The following CTNNA3 variants were observed in gnomAD, a reference collection of about 807,000 sequenced individuals.
CTNNA3 encodes catenin alpha 3, also known as catenin alpha-3.
Under a neutral mutation model 95.7 loss-of-function variants are expected in CTNNA3, and 76 were observed. The observed-to-expected ratio is 0.79, with a 90% CI of 0.66 to 0.96. The LOEUF is 0.96. CTNNA3 is among the 40% of genes least tolerant of loss of function. The probability of loss-of-function intolerance (pLI) is 0.00; values close to 1 mark genes in which losing one functional copy is unlikely to be tolerated. For missense variants in CTNNA3, 1,191 were observed against 1,089.8 expected, an observed-to-expected ratio of 1.09 and a Z score of -1.31; for synonymous variants, 431 against 374.4, an observed-to-expected ratio of 1.15 and a Z score of -1.74.
intron 9 of CTNNA3, among the ~76,000 whole-genome samples, chr10:66,762,480 T>C (rs1750194378): frequency 6.6e-6 from 1 of 151,970 alleles, no homozygotes; most frequent in African/African-American, 2.4e-5. Context: ...TTACTGGCAC[T>C]ATCCAGGGTT....
At chr10:66,115,034 G>GA (rs201372863) in intron 13 of CTNNA3, among the ~76,000 whole-genome samples, 4 of 151,604 alleles carry the variant, frequency 2.6e-5, no homozygotes, top group East Asian at 1.9e-4. Context: ...TTATCATAAG[G>GA]AAAAAAAACA....
chr10:67,752,103 C>T (rs1350288240), intron 1 of CTNNA3, among the ~76,000 whole-genome samples: 2 of 152,130 alleles, frequency 1.3e-5, no homozygotes, highest in Non-Finnish European at 2.9e-5. Context: ...AATCCAGCAG[C>T]ACATCAAAAA....
intron 1 of CTNNA3, among the ~76,000 whole-genome samples, chr10:67,741,346 C>CAAAAA (rs542236311): frequency 5.4e-5 from 7 of 128,520 alleles, no homozygotes; most frequent in East Asian, 2.2e-4. Flanking sequence ...AAAAAAAGAA[C>CAAAAA]AAAAAAAAAA....
chr10:67,343,533 C>T (rs1479133631), intron 5 of CTNNA3, among the ~76,000 whole-genome samples: 5 of 151,838 alleles, frequency 3.3e-5, no homozygotes, highest in Admixed American at 2.0e-4. Context: ...AATGGGATTC[C>T]ATTTTAATAT....
chr10:67,168,010 A>G (rs1861856214), intron 7 of CTNNA3, among the ~76,000 whole-genome samples: 1 of 152,086 alleles, frequency 6.6e-6, no homozygotes, highest in African/African-American at 2.4e-5. Context: ...TCTGGCTCAC[A>G]CCTGCAATCC....
At position 67,379,878 on chromosome 10, in the gene CTNNA3, G is replaced by A. The variant is rs536276293; in HGVS notation, c.579+141964C>T. On this transcript the variant is annotated intron_variant, in intron 5 of 17. Coordinates refer to ENST00000433211, the MANE Select transcript of CTNNA3 (RefSeq NM_013266.4). ...CTACTAAAAATACAAAAAATTAGCC[G>A]GGCGTAGTGGCGGGCGCCTGTAGTC... Among the ~76,000 whole-genome samples, 420 of 151,812 alleles carry A rather than the reference G, an allele frequency of 2.8e-3. 4 individuals carry two copies. The highest frequency in any genetic ancestry group is 9.5e-3 in the African/African-American group (395 of 41,388).
At chr10:66,137,263 A>G (rs2083402927) in intron 13 of CTNNA3, among the ~76,000 whole-genome samples, 1 of 152,172 alleles carries the variant, frequency 6.6e-6, no homozygotes, top group Non-Finnish European at 1.5e-5. Flanking sequence ...GCTTCATAGC[A>G]CTTCTACAAA....
At position 67,539,668 on chromosome 10, in the gene CTNNA3, A is replaced by G; in HGVS notation, c.294T>C (p.Ser98=). The change falls in exon 4 of 18, where the codon AGT becomes AGC. Residue 98 remains serine, a splice_region_variant and synonymous_variant. Transcript: ENST00000433211. Reference sequence around the variant, plus strand: ...TCTCAGCTGATACTTTCAGAGCTTCACCTGAAAAATACAACCCCATATAAG... The same window carrying G: ...TCTCAGCTGATACTTTCAGAGCTTCGCCTGAAAAATACAACCCCATATAAG... The part of the protein sequence containing the change: ...TASLEEVRKE[S]EALKVSAERF... The G allele has an allele frequency of 6.2e-7, 1 of 1,613,190 alleles. No individual in the cohort carries two copies. Among genetic ancestry groups the G allele is most frequent in the Non-Finnish European group, 8.5e-7 (1 of 1,179,402 alleles).
At chr10:66,621,934 A>G (rs1027693924) in intron 9 of CTNNA3, 150 bp from the exon 10 acceptor site, 1 of 522,946 alleles carries the variant, frequency 1.9e-6, no homozygotes, top group African/African-American at 2.0e-5. Flanking sequence ...ATTTTATGAA[A>G]GAATTCAGAG....
At chr10:66,016,093 G>A (rs2133407379) in intron 15 of CTNNA3, among the ~76,000 whole-genome samples, 1 of 152,278 alleles carries the variant, frequency 6.6e-6, no homozygotes, top group South Asian at 2.1e-4. Context: ...TAGTATCAGA[G>A]CTAGAGTGGA....
At chr10:66,688,360 C>G (rs1278725963) in intron 9 of CTNNA3, among the ~76,000 whole-genome samples, 1 of 152,140 alleles carries the variant, frequency 6.6e-6, no homozygotes, top group East Asian at 1.9e-4. Context: ...GTCACACCAG[C>G]CTTCTTGCAG....
chr10:67,691,798 C>T (rs1484323906), intron 1 of CTNNA3, among the ~76,000 whole-genome samples: 3 of 145,820 alleles, frequency 2.1e-5, no homozygotes, highest in Non-Finnish European at 3.0e-5. Flanking sequence ...CCGCCCCGTC[C>T]AGGAGGTGAG....
intron 9 of CTNNA3, among the ~76,000 whole-genome samples, chr10:66,664,889 T>TAAAAAAAAAAAAAAAAAAAAAAAAA (rs56801434): frequency 7.4e-6 from 1 of 134,522 alleles, no homozygotes; most frequent in African/African-American, 2.7e-5. Flanking sequence ...CTGAAAAAAT[T>TAAAAAAAAAAAAAAAAAAAAAAAAA]AAAAAAAAAA....
chr10:66,041,275 G>A (rs1303089574), intron 15 of CTNNA3, among the ~76,000 whole-genome samples: 10 of 152,214 alleles, frequency 6.6e-5, no homozygotes, highest in African/African-American at 2.4e-4. Flanking sequence ...CTGAGGGAAT[G>A]TCATAGATTG....
At chr10:66,131,496 A>G (rs747323200) in intron 13 of CTNNA3, among the ~76,000 whole-genome samples, 2 of 152,306 alleles carry the variant, frequency 1.3e-5, no homozygotes, top group Non-Finnish European at 2.9e-5. Context: ...TGTAGACTCA[A>G]TGTTATTTCT....
intron 11 of CTNNA3, among the ~76,000 whole-genome samples, chr10:66,410,314 C>CAGAT (rs1467408746): frequency 6.6e-6 from 1 of 152,162 alleles, no homozygotes; most frequent in Admixed American, 6.5e-5. Context: ...TTCTAATCTT[C>CAGAT]AGATAGAAAC....
chr10:65,956,303 C>A (rs1030444723), intron 17 of CTNNA3, among the ~76,000 whole-genome samples: 1 of 152,010 alleles, frequency 6.6e-6, no homozygotes, highest in African/African-American at 2.4e-5. Context: ...GTCTTTCTAG[C>A]GGTCTATCAA....
intron 1 of CTNNA3, among the ~76,000 whole-genome samples, chr10:67,651,977 A>G (rs1839890250): frequency 6.6e-6 from 1 of 152,250 alleles, no homozygotes; most frequent in Non-Finnish European, 1.5e-5. Flanking sequence ...GTGCTATAAC[A>G]AATATATCAT....
intron 11 of CTNNA3, among the ~76,000 whole-genome samples, chr10:66,430,927 T>C (rs2093289327): frequency 6.6e-6 from 1 of 152,104 alleles, no homozygotes; most frequent in Non-Finnish European, 1.5e-5. Flanking sequence ...CTAAAGAGCT[T>C]CTGCACAGCA....
Sources: gnomAD v4.1 joint callset for allele counts (sites outside exome capture counted in the v4.1 genomes callset) on GRCh38, gnomAD v4.1.1 for gene constraint, MANE v1.5 for transcripts, NCBI Gene and HGNC (gene_info 2026-07-23, HGNC 2026-07-21) for gene names.